The following DNAH5 variants were observed in gnomAD, a reference collection of about 807,000 sequenced individuals.
DNAH5 encodes the protein dynein axonemal heavy chain 5.
Under a neutral mutation model 518.2 loss-of-function variants are expected in DNAH5, and 372 were observed. The observed-to-expected ratio is 0.72, with a 90% CI of 0.66 to 0.78. The LOEUF is 0.78. DNAH5 is among the 30% of genes least tolerant of loss of function. DNAH5 has a pLI of 0.00. For missense variants in DNAH5, 5,523 were observed against 5,687.0 expected (o/e 0.97, Z 0.93); for synonymous variants, 2,039 against 2,025.9 (o/e 1.01, Z -0.17).
intron 65 of DNAH5, among the ~76,000 whole-genome samples, chr5:13,740,344 C>A (rs1331031106): frequency 6.6e-6 from 1 of 152,066 alleles, no homozygotes; most frequent in Non-Finnish European, 1.5e-5. Flanking sequence ...AAACATACTT[C>A]CTCTCTCAAA....
At chr5:13,778,310 T>A (rs568851608) in intron 53 of DNAH5, among the ~76,000 whole-genome samples, 1 of 151,440 alleles carries the variant, frequency 6.6e-6, no homozygotes, top group African/African-American at 2.4e-5. Flanking sequence ...AGAAGTGAGA[T>A]CTGAGAGATC....
intron 50 of DNAH5, 81 bp downstream of exon 50, chr5:13,791,913 T>G: frequency 8.0e-7 from 1 of 1,254,518 alleles, no homozygotes; most frequent in Non-Finnish European, 1.1e-6. Flanking sequence ...ACAGTTCAAG[T>G]AAAAAATAAA....
At chr5:13,862,860 A>ATATATGTATG in intron 28 of DNAH5, 113 bp from the exon 29 acceptor site, 1 of 291,448 alleles carries the variant, frequency 3.4e-6, no homozygotes, top group Non-Finnish European at 5.8e-6. Context: ...ATAAATATAT[A>ATATATGTATG]TATAAACTTT....
chr5:13,700,053 T>C lies in DNAH5; in HGVS notation c.13723+587A>G, dbSNP rs73048008. 2.9e-3 allele frequency among the ~76,000 whole-genome samples: 445 copies of C among 152,354 alleles called. 3 individuals are homozygous for C. The highest frequency in any genetic ancestry group is 0.01 in the African/African-American group (430 of 41,578). ...ACGTGTGTACTTCACAGAAGTGTTA[T>C]TACATTCAAAGACTGAAGTAAGAAC... On this transcript the variant is annotated intron_variant, in intron 78 of 78. Transcript: ENST00000265104.
chr5:13,720,787 C>T (rs1047936601), intron 71 of DNAH5, among the ~76,000 whole-genome samples: 5 of 152,060 alleles, frequency 3.3e-5, no homozygotes, highest in Admixed American at 1.3e-4. Context: ...CTGAGTAGAC[C>T]ATCCACTTTG....
At chr5:14,007,483 T>C (rs986363408) in intron 1 of DNAH5, among the ~76,000 whole-genome samples, 12 of 152,256 alleles carry the variant, frequency 7.9e-5, no homozygotes, top group Non-Finnish European at 1.2e-4. Context: ...AAAGATATTC[T>C]CATATTCTGA....
chr5:13,798,828 G>A (rs956970074), intron 47 of DNAH5, among the ~76,000 whole-genome samples: 3 of 151,176 alleles, frequency 2.0e-5, no homozygotes, highest in African/African-American at 7.3e-5. Context: ...AGGCTGGAGT[G>A]CAATGTTGGC....
intron 47 of DNAH5, among the ~76,000 whole-genome samples, chr5:13,802,882 C>T (rs1442629616): frequency 2.0e-5 from 3 of 152,128 alleles, no homozygotes; most frequent in Non-Finnish European, 4.4e-5. Flanking sequence ...GGGTATAATA[C>T]AACCCAGAAA....
At chr5:13,926,809 C>G (rs1403078370) in intron 3 of DNAH5, among the ~76,000 whole-genome samples, 1 of 152,194 alleles carries the variant, frequency 6.6e-6, no homozygotes, top group Non-Finnish European at 1.5e-5. Flanking sequence ...ATCCAGTGCT[C>G]CGTTCATGGA....
At chr5:13,744,250 A>G (rs1370262780) in intron 65 of DNAH5, among the ~76,000 whole-genome samples, 2 of 152,018 alleles carry the variant, frequency 1.3e-5, no homozygotes, top group Non-Finnish European at 2.9e-5. Context: ...AAAACACTAC[A>G]TATTCTCACT....
At chr5:13,835,234 G>A (rs932033488) in intron 35 of DNAH5, among the ~76,000 whole-genome samples, 25 of 151,092 alleles carry the variant, frequency 1.7e-4, no homozygotes, top group African/African-American at 5.4e-4. Flanking sequence ...AGCGGAGATC[G>A]CACCACTGTG....
Position 13,974,107 on chromosome 5 carries a change from C to A in DNAH5, c.12+37541G>T, listed in dbSNP as rs373372181. Among the ~76,000 whole-genome samples, 10 of 149,580 alleles carry A rather than the reference C, an allele frequency of 6.7e-5. No homozygotes were observed. In the East Asian group the frequency reaches 1.9e-3, roughly 29 times the overall value. ...CTGAATAAACATCATTTTCTTTTGT[C>A]TTTTCTTTATTTTAATTAGTTTTTT... On this transcript the variant is annotated intron_variant, in intron 1 of 78. Coordinates refer to the DNAH5 transcript ENST00000681290.
chr5:13,887,998 G>A (rs1425709387), intron 17 of DNAH5, among the ~76,000 whole-genome samples: 1 of 152,026 alleles, frequency 6.6e-6, no homozygotes, highest in Non-Finnish European at 1.5e-5. Flanking sequence ...TCCTCAAATC[G>A]TTACACCATC....
At chr5:13,817,730 A>G (rs1761636925) in intron 41 of DNAH5, 36 bp from the exon 42 acceptor site, 1 of 1,608,570 alleles carries the variant, frequency 6.2e-7, no homozygotes, top group Non-Finnish European at 8.5e-7. Flanking sequence ...GACATCTCAG[A>G]TGGGAAGTGA....
At chr5:13,771,814 A>G (rs143249007) in intron 55 of DNAH5, among the ~76,000 whole-genome samples, 1 of 152,350 alleles carries the variant, frequency 6.6e-6, no homozygotes, top group African/African-American at 2.4e-5. Context: ...GTATATAAGT[A>G]TTGTAAAGAG....
chr5:13,883,621 T>C (rs16902887), intron 19 of DNAH5, among the ~76,000 whole-genome samples: 2,329 of 152,314 alleles, frequency 0.015, 63 homozygotes, highest in African/African-American at 0.052. Context: ...AAGGAGCTTT[T>C]AAGGTTGAAC....
At chr5:13,918,743 CAGGCGTG>C (rs1242848345) in intron 7 of DNAH5, among the ~76,000 whole-genome samples, 1 of 152,232 alleles carries the variant, frequency 6.6e-6, no homozygotes, top group Non-Finnish European at 1.5e-5. Flanking sequence ...GCTGGGATTA[CAGGCGTG>C]AGCCACCACG....
intron 28 of DNAH5, 35 bp from the exon 29 acceptor site, chr5:13,862,782 A>G (rs773796550): frequency 6.4e-7 from 1 of 1,574,518 alleles, no homozygotes; most frequent in South Asian, 1.1e-5. Context: ...TTATTGCATG[A>G]AAGTCACACG....
chr5:13,871,457 A>C, intron 23 of DNAH5, 107 bp downstream of exon 23: 1 of 1,011,688 alleles, frequency 9.9e-7, no homozygotes, highest in Non-Finnish European at 1.5e-6. Flanking sequence ...TGAGGCCCAT[A>C]AAGTCAATCT....
Sources: allele counts gnomAD v4.1 joint callset (sites outside exome capture counted in the v4.1 genomes callset), GRCh38; gene constraint gnomAD v4.1.1; transcripts MANE v1.5; gene names NCBI Gene and HGNC (gene_info 2026-07-23, HGNC 2026-07-21).